Variants in FBXO17 observed in about 807,000 individuals in gnomAD.
FBXO17 encodes F-box only protein 17.
FBXO17 carries 43 observed loss-of-function variants against 34.1 expected under a neutral mutation model. The observed-to-expected ratio is 1.26, with a 90% confidence interval of 0.99 to 1.62. FBXO17 has a LOEUF of 1.62. Ranked by LOEUF, FBXO17 falls within the 40% of genes most tolerant of loss-of-function variation. The probability of loss-of-function intolerance (pLI) is 0.00; values close to 1 mark genes in which losing one functional copy is unlikely to be tolerated. For synonymous variants in FBXO17, 169 were observed against 166.0 expected, an observed-to-expected ratio of 1.02 and a Z score of -0.14; for missense variants, 424 against 386.7, an observed-to-expected ratio of 1.10 and a Z score of -0.81.
At chr19:38,946,772 C>T (rs547377343) in intron 3 of FBXO17, 30 of 670,030 alleles carry the variant, frequency 4.5e-5, no homozygotes, top group Non-Finnish European at 6.6e-5. Context: ...CACCCTGCTG[C>T]GGGCTCCAGG....
intron 5 of FBXO17, among the ~76,000 whole-genome samples, chr19:38,943,186 G>A (rs572725515): frequency 7.3e-5 from 11 of 150,708 alleles, no homozygotes; most frequent in African/African-American, 2.7e-4. Flanking sequence ...GGCAGATCAT[G>A]GCCTTGTGGG....
At chr19:38,951,107 A>G (rs1176234149) in intron 1 of FBXO17, among the ~76,000 whole-genome samples, 3 of 152,062 alleles carry the variant, frequency 2.0e-5, no homozygotes, top group Non-Finnish European at 4.4e-5. Flanking sequence ...TCAAAGATTT[A>G]TAGGGGCATT....
chr19:38,969,550 G>C (rs1205877819), intron 1 of FBXO17, among the ~76,000 whole-genome samples: 1 of 149,918 alleles, frequency 6.7e-6, no homozygotes, highest in South Asian at 2.1e-4. Context: ...ATACATTCCT[G>C]GTGGAATCCA....
chr19:38,947,892 A>G (rs12983238), intron 3 of FBXO17, among the ~76,000 whole-genome samples: 111,053 of 151,440 alleles, frequency 0.73, 40,878 homozygotes, highest in African/African-American at 0.79. Context: ...AGTGGGGGCA[A>G]TAATAGTATC....
intron 1 of FBXO17, among the ~76,000 whole-genome samples, chr19:38,973,069 A>G (rs1306403873): frequency 3.3e-5 from 5 of 152,074 alleles, no homozygotes; most frequent in African/African-American, 1.2e-4. Flanking sequence ...TTCCTAATGA[A>G]TCTCCTAAGA....
At position 38,944,973 on chromosome 19, in the gene FBXO17, C is replaced by T. The variant is rs201303522; in HGVS notation, c.689G>A (p.Arg230Gln). Residue 230 changes from arginine (R) to glutamine (Q), a missense_variant, in exon 5 of 6, where the codon CGA becomes CAA. Physicochemically the swap from Arg to Gln is conservative, Grantham distance 43. Coordinates refer to ENST00000292852, the MANE Select transcript of FBXO17 (RefSeq NM_024907.7). Reference sequence around the variant, plus strand: ...TGGAAGCTAGTCTGGACCCACCTGTCGGCAGCCCCTCTCAGTCCACTGAAG... The same window carrying T: ...TGGAAGCTAGTCTGGACCCACCTGTTGGCAGCCCCTCTCAGTCCACTGAAG... ...PVLQWTERGC[R>Q]QVSHVFTNFG... is the part of the protein sequence containing the mutation. The T allele has an allele frequency of 1.2e-4, 195 of 1,614,102 alleles. No homozygotes were observed. The highest frequency in any genetic ancestry group is 4.8e-4 in the Admixed American group (29 of 60,004).
chr19:38,956,221 G>A (rs1395343814), intron 1 of FBXO17, among the ~76,000 whole-genome samples: 3 of 149,768 alleles, frequency 2.0e-5, no homozygotes, highest in South Asian at 2.1e-4. Flanking sequence ...AGCTGAGATC[G>A]TGCCTCTGCA....
intron 1 of FBXO17, among the ~76,000 whole-genome samples, chr19:38,956,392 A>G (rs1318709854): frequency 1.3e-5 from 2 of 152,166 alleles, no homozygotes; most frequent in African/African-American, 2.4e-5. Context: ...AGCTGACATG[A>G]ATTGAGCACT....
intron 1 of FBXO17, among the ~76,000 whole-genome samples, chr19:38,954,895 TTTA>T (rs139274792): frequency 0.14 from 18,521 of 133,664 alleles, 1,397 homozygotes; most frequent in East Asian, 0.2. Flanking sequence ...AATGTGTTAT[TTTA>T]TTATTATTAT....
chr19:38,968,143 A>C (rs1379869159), intron 1 of FBXO17, among the ~76,000 whole-genome samples: 1 of 151,828 alleles, frequency 6.6e-6, no homozygotes, highest in African/African-American at 2.4e-5. Context: ...ACATGGTGAA[A>C]CCCTGTCTCT....
intron 1 of FBXO17, among the ~76,000 whole-genome samples, chr19:38,954,220 C>T (rs1975128842): frequency 1.3e-5 from 2 of 151,370 alleles, no homozygotes; most frequent in South Asian, 4.2e-4. Flanking sequence ...GGGTCTCATG[C>T]AGGAGGAAGC....
chr19:38,962,687 ATCTGCTATT>A (rs1005688690), intron 1 of FBXO17, among the ~76,000 whole-genome samples: 5 of 151,288 alleles, frequency 3.3e-5, no homozygotes, highest in African/African-American at 1.2e-4. Flanking sequence ...TGCTCCTTGT[ATCTGCTATT>A]TCTTTCTTTC....
Position 38,950,224 on chromosome 19 carries a change from G to A in FBXO17, c.96C>T (p.His32=). The change falls in exon 2 of 6, where the codon CAC becomes CAT. Residue 32 remains histidine (H), a synonymous_variant. Coordinates refer to ENST00000292852, the MANE Select transcript of FBXO17 (RefSeq NM_024907.7). ...PPELLVQVLS[H]VPPRSLVTRC... The stretch of plus-strand genomic sequence containing the variant: ...GCGTGACCAAGGAGCGTGGCGGCAC[G>A]TGGCTCAGCACCTGCACCAGCAGCT... 4 of 1,543,462 alleles carry A rather than the reference G, an allele frequency of 2.6e-6. No individual in the cohort carries two copies. In the East Asian group the frequency reaches 9.8e-5, roughly 38 times the overall value.
intron 1 of FBXO17, among the ~76,000 whole-genome samples, chr19:38,970,539 C>T (rs1171110883): frequency 6.6e-6 from 1 of 152,150 alleles, no homozygotes; most frequent in Non-Finnish European, 1.5e-5. Context: ...GATGTCCCCT[C>T]TGCAAGATGG....
intron 4 of FBXO17, chr19:38,946,257 G>T: frequency 1.3e-6 from 1 of 765,674 alleles, no homozygotes; most frequent in Non-Finnish European, 2.0e-6. Flanking sequence ...CAGCCTGCTG[G>T]GATGAGGGTG....
chr19:38,946,937 C>A, intron 3 of FBXO17: 1 of 224,616 alleles, frequency 4.5e-6, no homozygotes, highest in Non-Finnish European at 8.9e-6. Context: ...TCTCTGTCAC[C>A]CATTGCTTCC....
In FBXO17 at chr19:38,958,042, G is replaced by C. The variant is rs537284411; in HGVS notation, c.-17-7706C>G. Among the ~76,000 whole-genome samples, 4 of 150,778 alleles carry C rather than the reference G, an allele frequency of 2.7e-5. No homozygotes were observed. The South Asian group carries it at 6.3e-4, about 24-fold the overall frequency. Reference sequence around the variant, plus strand: ...GATCACCTGAGCCAGGGAGGTTGAGGCTGTGGTGAATCGTGAAGGGGCCAC... The same window carrying C: ...GATCACCTGAGCCAGGGAGGTTGAGCCTGTGGTGAATCGTGAAGGGGCCAC... On this transcript the variant is annotated intron_variant, in intron 1 of 5. Coordinates refer to ENST00000292852, the MANE Select transcript of FBXO17 (RefSeq NM_024907.7).
intron 3 of FBXO17, among the ~76,000 whole-genome samples, chr19:38,948,196 G>T (rs920944906): frequency 2.0e-5 from 3 of 151,330 alleles, no homozygotes; most frequent in African/African-American, 7.3e-5. Context: ...GGCTGGTCTC[G>T]CACTCCTGAC....
intron 1 of FBXO17, among the ~76,000 whole-genome samples, chr19:38,967,930 A>G (rs762168936): frequency 1.4e-4 from 21 of 152,122 alleles, no homozygotes; most frequent in Non-Finnish European, 4.4e-5. Flanking sequence ...CTATTACTCA[A>G]ACTGACGATA....
Sources: allele counts gnomAD v4.1 joint callset (sites outside exome capture counted in the v4.1 genomes callset), GRCh38; gene constraint gnomAD v4.1.1; transcripts MANE v1.5; gene names NCBI Gene and HGNC (gene_info 2026-07-23, HGNC 2026-07-21).